Variants in CDH7 observed in about 807,000 individuals in gnomAD.
CDH7 encodes cadherin-7.
Under a neutral mutation model 71.8 loss-of-function variants are expected in CDH7, and 25 were observed. The ratio of observed to expected loss-of-function variants is 0.35; its 90% CI spans 0.25 to 0.49. The LOEUF (loss-of-function observed/expected upper bound fraction) is 0.49. Ranked by LOEUF, CDH7 falls within the 20% of genes least tolerant of loss-of-function variation. The pLI is 0.99. For missense variants in CDH7, 862 were observed against 974.6 expected (o/e 0.88, Z 1.54); for synonymous variants, 381 against 363.8 (o/e 1.05, Z -0.54).
chr18:65,858,906 A>G lies in CDH7; in HGVS notation c.1373-19A>G, dbSNP rs1457336479. The G allele has an allele frequency of 6.2e-7, 1 of 1,608,820 alleles. No homozygotes were observed. Among genetic ancestry groups the G allele is most frequent in the Non-Finnish European group, 8.5e-7 (1 of 1,175,888 alleles). On this transcript the variant is annotated intron_variant, in intron 8 of 11. Transcript: ENST00000397968. ...AGATGGGCAAAGAGTAAATGATAAGACACTGTCTTATTTATTAGAGAATCC... is the reference window on the plus strand; with the variant it reads ...AGATGGGCAAAGAGTAAATGATAAGGCACTGTCTTATTTATTAGAGAATCC...
intron 2 of CDH7, among the ~76,000 whole-genome samples, chr18:65,795,768 C>T (rs978260879): frequency 2.6e-5 from 4 of 152,058 alleles, no homozygotes; most frequent in Non-Finnish European, 5.9e-5. Flanking sequence ...GTGTCCTCAC[C>T]CAGATCTCAT....
intron 2 of CDH7, among the ~76,000 whole-genome samples, chr18:65,794,262 T>C (rs545526832): frequency 6.6e-6 from 1 of 152,212 alleles, no homozygotes; most frequent in East Asian, 1.9e-4. Flanking sequence ...ACTAAACTGA[T>C]CTTTAATGTG....
chr18:65,814,636 T>C (rs1911660926), intron 4 of CDH7, 32 bp downstream of exon 4: 1 of 1,581,606 alleles, frequency 6.3e-7, no homozygotes, highest in East Asian at 2.2e-5. Context: ...TCTTGTAAAG[T>C]CATCATTTGT....
At chr18:65,788,847 G>A (rs1199718069) in intron 2 of CDH7, among the ~76,000 whole-genome samples, 1 of 152,162 alleles carries the variant, frequency 6.6e-6, no homozygotes, top group Non-Finnish European at 1.5e-5. Flanking sequence ...CCCTACCCAA[G>A]TTTAGATTTG....
intron 4 of CDH7, among the ~76,000 whole-genome samples, chr18:65,817,326 T>A (rs1242046885): frequency 6.6e-6 from 1 of 152,142 alleles, no homozygotes; most frequent in African/African-American, 2.4e-5. Flanking sequence ...CGGTTCTCAT[T>A]CTATGCAAGA....
intron 1 of CDH7, among the ~76,000 whole-genome samples, chr18:65,758,552 A>T (rs1281251231): frequency 6.6e-6 from 1 of 152,222 alleles, no homozygotes; most frequent in Non-Finnish European, 1.5e-5. Flanking sequence ...AAAGAGTATG[A>T]CAGAGACACT....
At chr18:65,808,679 G>GTT (rs764349854) in intron 2 of CDH7, among the ~76,000 whole-genome samples, 2 of 150,746 alleles carry the variant, frequency 1.3e-5, no homozygotes, top group African/African-American at 4.9e-5. Context: ...TTTCCTTGGT[G>GTT]TTTTTTTTTC....
At chr18:65,829,654 C>T (rs962505234) in intron 6 of CDH7, among the ~76,000 whole-genome samples, 1 of 150,712 alleles carries the variant, frequency 6.6e-6, no homozygotes, top group Non-Finnish European at 1.5e-5. Flanking sequence ...ACTCTGCTTT[C>T]GTGCCCCCTT....
rs142853463 is a variant in CDH7 at position 65,818,982 on chromosome 18, C to T, written c.626-3099C>T. Among the ~76,000 whole-genome samples, 373 of 152,144 alleles carry T rather than the reference C, an allele frequency of 2.5e-3. 3 individuals are homozygous for T. The highest frequency in any genetic ancestry group is 8.2e-3 in the African/African-American group (340 of 41,506). ...GGAGAGACCAGCAGGACTGATTTTC[C>T]GGTCACAACCTTGTTGACCAAAATA... is the stretch of plus-strand genomic sequence containing the variant. On this transcript the variant is annotated intron_variant, in intron 4 of 11. Coordinates refer to ENST00000397968, the MANE Select transcript of CDH7 (RefSeq NM_004361.5).
At chr18:65,791,302 A>C (rs1041942859) in intron 2 of CDH7, among the ~76,000 whole-genome samples, 1 of 152,226 alleles carries the variant, frequency 6.6e-6, no homozygotes, top group African/African-American at 2.4e-5. Flanking sequence ...TTTACATACA[A>C]ATTAGTAGCA....
intron 3 of CDH7, among the ~76,000 whole-genome samples, chr18:65,814,080 T>C (rs1341167106): frequency 1.3e-5 from 2 of 152,202 alleles, no homozygotes; most frequent in Admixed American, 1.3e-4. Context: ...ATTACTTGAG[T>C]GTCCAAGATG....
Position 65,844,085 on chromosome 18 carries a change from C to G in CDH7, c.1235+20C>G, listed in dbSNP as rs376442288. ...TGTGAGGTAAAAACTCATTGTTGTC[C>G]TTTTCTATGGTTTTACAAACAATGC... On this transcript the variant is annotated intron_variant, in intron 7 of 11. Coordinates refer to ENST00000397968, the MANE Select transcript of CDH7 (RefSeq NM_004361.5). The G allele has an allele frequency of 1.8e-5, 29 of 1,604,796 alleles. No individual in the cohort carries two copies. The African/African-American group carries it at 4.0e-4, about 22-fold the overall frequency.
At chr18:65,816,732 A>T (rs1165259358) in intron 4 of CDH7, among the ~76,000 whole-genome samples, 3 of 152,150 alleles carry the variant, frequency 2.0e-5, no homozygotes, top group Non-Finnish European at 4.4e-5. Flanking sequence ...CCCCCAACCT[A>T]GAATGTGAGT....
chr18:65,874,373 TA>T lies in CDH7; in HGVS notation c.1865-6020del, dbSNP rs920422935. Among the ~76,000 whole-genome samples the T allele has an allele frequency of 1.4e-4, 22 of 152,156 alleles. No individual in the cohort carries two copies. In the East Asian group the frequency reaches 1.5e-3, roughly 11 times the overall value. ...ACCAGATTCAACATTTTAAATATGT[TA>T]AAAAAAATTAGTGGAGTTACTTTCT... is the stretch of plus-strand genomic sequence containing the variant. On this transcript the variant is annotated intron_variant, in intron 11 of 11. Transcript: ENST00000397968.
intron 11 of CDH7, among the ~76,000 whole-genome samples, chr18:65,879,871 T>C (rs1914169184): frequency 1.3e-5 from 2 of 152,214 alleles, no homozygotes; most frequent in South Asian, 2.1e-4. Context: ...AAGCTTTTAA[T>C]CTTTGTAAAT....
chr18:65,755,438 A>G (rs1314268221), intron 1 of CDH7, among the ~76,000 whole-genome samples: 1 of 152,214 alleles, frequency 6.6e-6, no homozygotes, highest in African/African-American at 2.4e-5. Context: ...TTCCTCTAAC[A>G]TGAACCCTAA....
chr18:65,862,974 C>A (rs763261553), intron 11 of CDH7, 57 bp downstream of exon 11: 5 of 1,555,144 alleles, frequency 3.2e-6, no homozygotes, highest in Non-Finnish European at 4.4e-6. Flanking sequence ...CCACATGTCA[C>A]GACTTGCCTA....
intron 2 of CDH7, among the ~76,000 whole-genome samples, chr18:65,789,441 A>G (rs929064234): frequency 8.6e-5 from 13 of 151,826 alleles, no homozygotes; most frequent in African/African-American, 3.2e-4. Flanking sequence ...CAGCCACATC[A>G]TGAAAGTTTA....
intron 2 of CDH7, among the ~76,000 whole-genome samples, chr18:65,794,213 A>C (rs1910823719): frequency 6.6e-6 from 1 of 152,004 alleles, no homozygotes; most frequent in African/African-American, 2.4e-5. Context: ...TATGGTGTAC[A>C]TTACAGTCAA....
Sources: allele counts gnomAD v4.1 joint callset (sites outside exome capture counted in the v4.1 genomes callset), GRCh38; gene constraint gnomAD v4.1.1; transcripts MANE v1.5; gene names NCBI Gene and HGNC (gene_info 2026-07-23, HGNC 2026-07-21).